The following MGAT4C variants were observed in gnomAD, a reference collection of about 807,000 sequenced individuals.
MGAT4C encodes MGAT4 family member C, also known as alpha-1,3-mannosyl-glycoprotein 4-beta-N-acetylglucosaminyltransferase C.
MGAT4C carries 19 observed loss-of-function variants against 40.1 expected under a neutral mutation model. The ratio of observed to expected loss-of-function variants is 0.47; its 90% confidence interval spans 0.33 to 0.70. MGAT4C has a LOEUF of 0.70. Among genes scored for constraint, MGAT4C ranks in the 30% least tolerant of loss-of-function variants. The pLI is 0.02. For missense variants in MGAT4C, 491 were observed against 563.2 expected (o/e 0.87, Z 1.30); for synonymous variants, 181 against 187.1 (o/e 0.97, Z 0.27).
chr12:86,471,725 G>T (rs548567065), intron 2 of MGAT4C, among the ~76,000 whole-genome samples: 5 of 152,076 alleles, frequency 3.3e-5, no homozygotes, highest in Non-Finnish European at 7.4e-5. Context: ...CCCTTAAAAT[G>T]ATGTAGAAGA....
intron 1 of MGAT4C, among the ~76,000 whole-genome samples, chr12:86,110,298 C>CTATATATATA (rs1565996123): frequency 6.4e-5 from 1 of 15,708 alleles, no homozygotes; most frequent in African/African-American, 3.5e-4. Context: ...TATATAGTCT[C>CTATATATATA]TCTATATATA....
At chr12:86,661,813 C>A (rs1408363174) in intron 2 of MGAT4C, among the ~76,000 whole-genome samples, 1 of 151,994 alleles carries the variant, frequency 6.6e-6, no homozygotes, top group South Asian at 2.1e-4. Flanking sequence ...GTGGTGTGTG[C>A]CTGTAGTTCC....
At chr12:86,654,057 T>C (rs1054513669) in intron 2 of MGAT4C, among the ~76,000 whole-genome samples, 46 of 152,108 alleles carry the variant, frequency 3.0e-4, no homozygotes, top group African/African-American at 1.1e-3. Context: ...AAAATTGTGA[T>C]GAGGTAAGAA....
rs547300580 is a variant in MGAT4C at position 86,490,727 on chromosome 12, A to G, written c.-228-55462T>C. 5.9e-5 allele frequency among the ~76,000 whole-genome samples: 9 copies of G among 152,268 alleles called. No individual in the cohort carries two copies. In the South Asian group the frequency reaches 1.9e-3, roughly 32 times the overall value. ...AAAGGATGGAGGAAGATCTACCAAG[A>G]AAATGGAAAACAAAAAAAAGGCAGG... On this transcript the variant is annotated intron_variant, in intron 2 of 7. Transcript: ENST00000548651.
intron 1 of MGAT4C, among the ~76,000 whole-genome samples, chr12:86,184,432 A>T (rs1449731093): frequency 6.6e-6 from 1 of 151,496 alleles, no homozygotes; most frequent in Admixed American, 6.6e-5. Flanking sequence ...TATTCTAAGA[A>T]TTTTTACATG....
intron 1 of MGAT4C, among the ~76,000 whole-genome samples, chr12:86,785,311 T>G (rs1951913367): frequency 6.6e-6 from 1 of 152,164 alleles, no homozygotes; most frequent in South Asian, 2.1e-4. Flanking sequence ...TGTGTATTTT[T>G]TTCTTAACTT....
At chr12:86,764,160 G>T (rs572202668) in intron 1 of MGAT4C, among the ~76,000 whole-genome samples, 1 of 152,124 alleles carries the variant, frequency 6.6e-6, no homozygotes, top group Non-Finnish European at 1.5e-5. Context: ...ATTCCCACCC[G>T]AATACTGTGC....
intron 2 of MGAT4C, among the ~76,000 whole-genome samples, chr12:86,678,440 T>C (rs1949908755): frequency 6.6e-6 from 1 of 151,942 alleles, no homozygotes; most frequent in African/African-American, 2.4e-5. Context: ...TATTTTATTA[T>C]TATTATACTT....
At chr12:86,398,908 G>A (rs1956306433) in intron 3 of MGAT4C, among the ~76,000 whole-genome samples, 1 of 152,050 alleles carries the variant, frequency 6.6e-6, no homozygotes, top group South Asian at 2.1e-4. Flanking sequence ...GGCAGGTCTG[G>A]GATTTCCGCT....
intron 1 of MGAT4C, among the ~76,000 whole-genome samples, chr12:86,162,474 T>C (rs1400041031): frequency 1.3e-5 from 2 of 151,970 alleles, no homozygotes; most frequent in Non-Finnish European, 2.9e-5. Context: ...ATTGGAATAA[T>C]AGAGAGTAGT....
Position 86,416,921 on chromosome 12 carries a change from A to G in MGAT4C, c.-120+18236T>C, listed in dbSNP as rs111370785. ...TAATATGAATCCAGAAGTCAGAAAA[A>G]GCAAGGAAAGATTATTTCCTACAGG... is the stretch of plus-strand genomic sequence containing the variant. On this transcript the variant is annotated intron_variant, in intron 3 of 7. Coordinates refer to the MGAT4C transcript ENST00000548651. 5.8e-3 allele frequency among the ~76,000 whole-genome samples: 880 copies of G among 152,272 alleles called. 7 individuals carry two copies. The highest frequency in any genetic ancestry group is 0.02 in the African/African-American group (844 of 41,568).
chr12:86,091,116 A>G (rs1592911977), intron 1 of MGAT4C, among the ~76,000 whole-genome samples: 1 of 152,034 alleles, frequency 6.6e-6, no homozygotes, highest in East Asian at 1.9e-4. Context: ...TGCCCACACA[A>G]GAAATATTCT....
intron 1 of MGAT4C, among the ~76,000 whole-genome samples, chr12:86,114,049 T>C (rs1470473607): frequency 6.6e-6 from 1 of 151,940 alleles, no homozygotes; most frequent in Non-Finnish European, 1.5e-5. Context: ...CTTCTGTGTC[T>C]ACCTTTTGCA....
chr12:86,085,407 C>T (rs1871613634), intron 1 of MGAT4C, among the ~76,000 whole-genome samples: 1 of 152,094 alleles, frequency 6.6e-6, no homozygotes, highest in Admixed American at 6.6e-5. Flanking sequence ...GGTCCAGTTT[C>T]AGTTTTCTGC....
At chr12:86,174,501 T>C (rs1042420832) in intron 1 of MGAT4C, among the ~76,000 whole-genome samples, 3 of 152,174 alleles carry the variant, frequency 2.0e-5, no homozygotes, top group Non-Finnish European at 2.9e-5. Context: ...TTTTAGCACT[T>C]GGTGAACATC....
rs1273885192 is a variant in MGAT4C at position 85,972,947 on chromosome 12, G to GA, written c.*6341dup. On this transcript the variant is annotated 3_prime_UTR_variant, in exon 5 of 5. Transcript: ENST00000611864. ...AAACAAATGTGGGGTATTTTATGGA[G>GA]AAAAGAGGCATGTACTACCTTAAAC... 2.0e-5 allele frequency: 3 copies of GA among 150,938 alleles called. No individual in the cohort carries two copies. The highest frequency in any genetic ancestry group is 7.3e-5 in the African/African-American group (3 of 41,320). The allele number at this position is 150,938 out of a possible 1,614,324, so 9.3% of individuals were successfully genotyped here. A position where few individuals can be genotyped will look rare whatever the true frequency, so the allele number is the denominator to read the frequency against.
chr12:86,079,298 T>C (rs906547936), intron 1 of MGAT4C, among the ~76,000 whole-genome samples: 5 of 152,182 alleles, frequency 3.3e-5, no homozygotes, highest in African/African-American at 1.2e-4. Context: ...AAAACAACCT[T>C]AGTATCTCTT....
chr12:86,297,214 C>G lies in MGAT4C; in HGVS notation c.-57+36851G>C, dbSNP rs545737233. Among the ~76,000 whole-genome samples the G allele has an allele frequency of 2.6e-5, 4 of 152,210 alleles. No homozygotes were observed. The South Asian group carries it at 8.3e-4, about 32-fold the overall frequency. On this transcript the variant is annotated intron_variant, in intron 4 of 7. Transcript: ENST00000548651. ...AGGCTTTCGAATCCTACAAAAAGCT[C>G]TGAATATTTAAGAATAACATTAGCT...
chr12:86,252,542 T>C (rs1167891738), intron 1 of MGAT4C, among the ~76,000 whole-genome samples: 1 of 151,932 alleles, frequency 6.6e-6, no homozygotes, highest in African/African-American at 2.4e-5. Context: ...TGTAAATAAG[T>C]TGAATAGCGA....
Sources: allele counts gnomAD v4.1 joint callset (sites outside exome capture counted in the v4.1 genomes callset), GRCh38; gene constraint gnomAD v4.1.1; transcripts MANE v1.5; gene names NCBI Gene and HGNC (gene_info 2026-07-23, HGNC 2026-07-21).